ADPGK: variants seen among roughly 807,000 people sequenced by gnomAD.
The protein encoded by ADPGK is ADP-dependent glucokinase.
A neutral mutation model predicts 42.4 loss-of-function variants in ADPGK; 26 were observed. The observed-to-expected ratio is 0.61, with a 90% CI of 0.45 to 0.85. The LOEUF (loss-of-function observed/expected upper bound fraction) is 0.85. Ranked by LOEUF, ADPGK falls within the 40% of genes least tolerant of loss-of-function variation. The pLI, the probability that ADPGK is intolerant of heterozygous loss-of-function variation, is 0.00. For synonymous variants in ADPGK, 267 were observed against 252.6 expected, an observed-to-expected ratio of 1.06 and a Z score of -0.54; for missense variants, 571 against 627.0, an observed-to-expected ratio of 0.91 and a Z score of 0.95.
chr15:72,780,192 C>CTGGCTGTAAGTCA (rs1396970916), intron 1 of ADPGK, among the ~76,000 whole-genome samples: 17 of 152,272 alleles, frequency 1.1e-4, no homozygotes, highest in South Asian at 4.2e-4. Flanking sequence ...GTTTAATTGA[C>CTGGCTGTAAGTCA]TTACAGTTCA....
chr15:72,778,494 T>TCA (rs1348992929), intron 1 of ADPGK, among the ~76,000 whole-genome samples: 9 of 152,008 alleles, frequency 5.9e-5, no homozygotes, highest in Non-Finnish European at 1.3e-4. Flanking sequence ...AAGCAGAAGC[T>TCA]CACACTTCAG....
At chr15:72,752,985 A>G in intron 6 of ADPGK, 90 bp from the exon 7 acceptor site, 3 of 1,335,012 alleles carry the variant, frequency 2.2e-6, no homozygotes, top group Non-Finnish European at 3.0e-6. Flanking sequence ...AATGACAGGG[A>G]ACACAGGCAG....
At chr15:72,775,251 G>A (rs1379289261) in intron 1 of ADPGK, 154 bp from the exon 2 acceptor site, 2 of 630,414 alleles carry the variant, frequency 3.2e-6, no homozygotes, top group East Asian at 2.7e-5. Context: ...GCACATGGCA[G>A]GAGAAAAATT....
chr15:72,775,712 A>G (rs1449188001), intron 1 of ADPGK, among the ~76,000 whole-genome samples: 2 of 152,166 alleles, frequency 1.3e-5, no homozygotes, highest in African/African-American at 4.8e-5. Context: ...CCTGCCTCTT[A>G]GAATTTAGTG....
chr15:72,780,245 A>G (rs2066440852), intron 1 of ADPGK, among the ~76,000 whole-genome samples: 1 of 152,202 alleles, frequency 6.6e-6, no homozygotes, highest in African/African-American at 2.4e-5. Flanking sequence ...TCATGGTGGA[A>G]GGTGAAGGGG....
At chr15:72,767,784 C>CA (rs2066278580) in intron 3 of ADPGK, among the ~76,000 whole-genome samples, 1 of 152,074 alleles carries the variant, frequency 6.6e-6, no homozygotes, top group Admixed American at 6.6e-5. Flanking sequence ...AATAATCCAT[C>CA]AAAATCTTTG....
chr15:72,756,064 T>A (rs1489723033), intron 5 of ADPGK, 187 bp downstream of exon 5: 1 of 734,026 alleles, frequency 1.4e-6, no homozygotes, highest in Non-Finnish European at 2.4e-6. Flanking sequence ...CTACTCAAGC[T>A]GCTGCCCACA....
intron 2 of ADPGK, among the ~76,000 whole-genome samples, chr15:72,774,271 G>A (rs1418422285): frequency 2.0e-5 from 3 of 152,208 alleles, no homozygotes; most frequent in Non-Finnish European, 4.4e-5. Flanking sequence ...GCCAAAGGGA[G>A]GTTTAAATGA....
intron 1 of ADPGK, 62 bp downstream of exon 1, chr15:72,783,397 C>T (rs2066493561): frequency 1.5e-6 from 2 of 1,314,522 alleles, no homozygotes; most frequent in South Asian, 2.1e-5. Context: ...TTCTGCGCGG[C>T]TCCGCCCGAC....
In ADPGK at chr15:72,757,792, C is replaced by T. The variant is rs4777533; in HGVS notation, c.644-1345G>A. On this transcript the variant is annotated intron_variant, in intron 4 of 6. Coordinates refer to ENST00000456471, the MANE Select transcript of ADPGK (RefSeq NM_001365225.1). ...CATTGACATTCTCCAGAGAGCAAGA[C>T]GTGGACTCAACCCTTGAATAGTGAC... 14,333 of 303,370 alleles carry T rather than the reference C, an allele frequency of 0.047. 2,282 individuals are homozygous for T. The East Asian group carries it at 0.5, about 11-fold the overall frequency. 18.8% of individuals were successfully genotyped at this position (303,370 alleles called of 1,614,324 possible). A position where few individuals can be genotyped will look rare whatever the true frequency, so the allele number is the denominator to read the frequency against.
intron 5 of ADPGK, 198 bp downstream of exon 5, chr15:72,756,053 C>T (rs1293486488): frequency 2.8e-6 from 2 of 715,578 alleles, no homozygotes; most frequent in Non-Finnish European, 5.0e-6. Context: ...TCTGCCCTGT[C>T]CTACTCAAGC....
At chr15:72,771,889 T>A in intron 2 of ADPGK, 44 bp from the exon 3 acceptor site, 1 of 1,436,520 alleles carries the variant, frequency 7.0e-7, no homozygotes, top group South Asian at 1.4e-5. Flanking sequence ...TTAATACAAC[T>A]ATATCACCCA....
rs1181272577 is a variant in ADPGK, at chr15:72,756,366, A to G, written c.725T>C (p.Met242Thr). 3 of 1,614,228 alleles carry G rather than the reference A, an allele frequency of 1.9e-6. No individual in the cohort carries two copies. Among genetic ancestry groups the G allele is most frequent in the Admixed American group, 3.3e-5 (2 of 60,028 alleles). Residue 242 changes from methionine to threonine, a missense_variant, in exon 5 of 7, where the codon ATG (methionine) becomes ACG (threonine). By Grantham distance (81) the Met-to-Thr change is moderately conservative (BLOSUM62 -1). Around this residue, in one of 2 missense-constraint regions of ADPGK, gnomAD observed 434 missense variants for 522.7 expected, o/e 0.83. Transcript: ENST00000456471. ...SHDLSNGAMN[M>T]LEVFVSSLEE... ...CAGGCTAGACACAAACACCTCCAGC[A>G]TATTCATGGCCCCGTTGGAGAGGTC...
At chr15:72,779,025 G>A (rs1240274533) in intron 1 of ADPGK, among the ~76,000 whole-genome samples, 1 of 152,176 alleles carries the variant, frequency 6.6e-6, no homozygotes, top group East Asian at 1.9e-4. Context: ...CCCACAGACA[G>A]GCAGAGCTGA....
At position 72,752,135 on chromosome 15, in the gene ADPGK, CA is replaced by C; in HGVS notation, c.*205del. 1 of 584,276 alleles carries C rather than the reference CA, an allele frequency of 1.7e-6. No individual in the cohort carries two copies. The highest frequency in any genetic ancestry group is 2.9e-6 in the Non-Finnish European group (1 of 339,612). 36.2% of individuals were successfully genotyped at this position (584,276 alleles called of 1,614,324 possible). ...ACTGAGTTTTTAGCTCTGTGACACA[CA>C]ACATAAAAAACAAAAATCCAGTCTC... On this transcript the variant is annotated 3_prime_UTR_variant, in exon 7 of 7. Transcript: ENST00000456471.
intron 1 of ADPGK, among the ~76,000 whole-genome samples, chr15:72,779,261 T>TTC (rs1368777283): frequency 6.7e-6 from 1 of 150,054 alleles, no homozygotes; most frequent in African/African-American, 2.5e-5. Context: ...TTTTTTTTTT[T>TTC]TTTTGAGATA....
intron 6 of ADPGK, among the ~76,000 whole-genome samples, chr15:72,753,185 C>T (rs1175436053): frequency 6.6e-6 from 1 of 152,184 alleles, no homozygotes; most frequent in East Asian, 1.9e-4. Flanking sequence ...GTGTTTCTTT[C>T]CATGGTCCCT....
chr15:72,764,689 A>G (rs2066236367), intron 3 of ADPGK, among the ~76,000 whole-genome samples: 1 of 152,226 alleles, frequency 6.6e-6, no homozygotes, highest in East Asian at 1.9e-4. Flanking sequence ...GTTGGAGGGT[A>G]ATGCTGAAGA....
In ADPGK at chr15:72,755,659, A is replaced by T. The variant is rs377474557; in HGVS notation, c.841-5T>A. The T allele has an allele frequency of 6.2e-7, 1 of 1,602,438 alleles. No individual in the cohort carries two copies. Among genetic ancestry groups the T allele is most frequent in the Non-Finnish European group, 8.5e-7 (1 of 1,169,688 alleles). On this transcript the variant is annotated splice_region_variant and splice_polypyrimidine_tract_variant and intron_variant, in intron 5 of 6. Coordinates refer to ENST00000456471, the MANE Select transcript of ADPGK (RefSeq NM_001365225.1). The stretch of plus-strand genomic sequence containing the variant: ...GTCAGAAATGGAGGTTACAACCTGC[A>T]AAGAGAAGAAGATAAGCACTGCCAT...
Sources: gnomAD v4.1 joint callset for allele counts (sites outside exome capture counted in the v4.1 genomes callset) on GRCh38, gnomAD v4.1.1 for gene constraint, gnomAD v4.1.1 regional missense constraint, MANE v1.5 for transcripts, NCBI Gene and HGNC (gene_info 2026-07-23, HGNC 2026-07-21) for gene names.